CCDC171: variants seen among roughly 807,000 people sequenced by gnomAD.
CCDC171 encodes the protein coiled-coil domain containing 171.
In CCDC171, 177 loss-of-function variants were observed where a neutral mutation model predicts 168.2. The observed-to-expected ratio is 1.05, with a 90% CI of 0.93 to 1.19. The LOEUF (loss-of-function observed/expected upper bound fraction) is 1.19. Among genes scored for constraint, CCDC171 ranks in the 50% most tolerant of loss-of-function variants. The pLI, the probability that CCDC171 is intolerant of heterozygous loss-of-function variation, is 0.00. For missense variants in CCDC171, 1,991 were observed against 1,539.0 expected (o/e 1.29, Z -4.91); for synonymous variants, 687 against 540.8 (o/e 1.27, Z -3.75).
chr9:15,788,152 G>A (rs536501883), intron 21 of CCDC171, among the ~76,000 whole-genome samples: 2 of 152,230 alleles, frequency 1.3e-5, no homozygotes, highest in African/African-American at 2.4e-5. Flanking sequence ...TCTCTTGTGG[G>A]AGGCAACATG....
intron 24 of CCDC171, among the ~76,000 whole-genome samples, chr9:15,919,738 C>T (rs1305848631): frequency 2.0e-5 from 3 of 151,562 alleles, no homozygotes; most frequent in African/African-American, 7.2e-5. Context: ...AAGGGCATTT[C>T]TGTGTTACAT....
At chr9:15,732,196 C>T (rs954881072) in intron 16 of CCDC171, among the ~76,000 whole-genome samples, 3 of 151,896 alleles carry the variant, frequency 2.0e-5, no homozygotes, top group African/African-American at 7.3e-5. Flanking sequence ...TGATGAAGTC[C>T]AACTTACAAA....
chr9:15,725,126 A>G (rs2053716347), intron 14 of CCDC171, 150 bp downstream of exon 14: 2 of 626,372 alleles, frequency 3.2e-6, no homozygotes, highest in Non-Finnish European at 5.6e-6. Flanking sequence ...AAATCACTCC[A>G]TTACTCTTGT....
At chr9:15,802,736 A>G (rs2058887396) in intron 21 of CCDC171, among the ~76,000 whole-genome samples, 1 of 152,138 alleles carries the variant, frequency 6.6e-6, no homozygotes, top group African/African-American at 2.4e-5. Flanking sequence ...ATGTGCCTTT[A>G]TAATAGAACA....
chr9:15,701,947 T>C (rs2051783255), intron 11 of CCDC171, among the ~76,000 whole-genome samples: 1 of 152,218 alleles, frequency 6.6e-6, no homozygotes, highest in Non-Finnish European at 1.5e-5. Flanking sequence ...GGAATCACCA[T>C]CTATGGCAGC....
chr9:15,955,854 G>A (rs1829748702), intron 25 of CCDC171, among the ~76,000 whole-genome samples: 1 of 152,128 alleles, frequency 6.6e-6, no homozygotes, highest in Admixed American at 6.6e-5. Flanking sequence ...AGACGTGTGT[G>A]TATGTGTGTG....
At chr9:16,080,086 T>C in the CCDC171 span, among the ~76,000 whole-genome samples, 1 of 152,324 alleles carries the variant, frequency 6.6e-6, no homozygotes, top group African/African-American at 2.4e-5. Context: ...GGAGTGACTT[T>C]ATTTTCTGCT....
downstream of CCDC171, among the ~76,000 whole-genome samples, chr9:16,065,513 G>A (rs2133092029): frequency 6.6e-6 from 1 of 152,316 alleles, no homozygotes; most frequent in Middle Eastern, 3.4e-3. Context: ...GCAGTGAAGG[G>A]TGAGCTGAAG....
chr9:16,038,025 T>A (rs927677661), upstream of CCDC171, among the ~76,000 whole-genome samples: 4 of 152,150 alleles, frequency 2.6e-5, no homozygotes, highest in African/African-American at 9.6e-5. Flanking sequence ...TGCAAAATAC[T>A]GATGCCAAAA....
chr9:16,078,322 G>C, the CCDC171 span, among the ~76,000 whole-genome samples: 1 of 152,182 alleles, frequency 6.6e-6, no homozygotes, highest in Non-Finnish European at 1.5e-5. Flanking sequence ...GCTGAGGCAC[G>C]GCAGGGAGAA....
At chr9:16,044,800 G>A (rs975991434) in intron 1 of CCDC171, among the ~76,000 whole-genome samples, 3 of 152,184 alleles carry the variant, frequency 2.0e-5, no homozygotes, top group Admixed American at 6.5e-5. Flanking sequence ...GCCTTGGAAG[G>A]GAAAGAAGCC....
At chr9:15,666,087 C>G (rs1224802981) in intron 8 of CCDC171, 76 bp from the exon 9 acceptor site, 4 of 1,302,418 alleles carry the variant, frequency 3.1e-6, no homozygotes, top group Non-Finnish European at 4.3e-6. Flanking sequence ...CTGTTACTGA[C>G]AAAGTATTCT....
At chr9:15,561,717 G>T (rs572634128) in intron 1 of CCDC171, among the ~76,000 whole-genome samples, 1 of 151,980 alleles carries the variant, frequency 6.6e-6, no homozygotes, top group African/African-American at 2.4e-5. Flanking sequence ...GCCACTGACC[G>T]TATCAACTTT....
chr9:16,043,121 C>A (rs986863974), intron 1 of CCDC171, among the ~76,000 whole-genome samples: 1 of 152,118 alleles, frequency 6.6e-6, no homozygotes, highest in Non-Finnish European at 1.5e-5. Context: ...TCCAAGGATG[C>A]TGAAGCCAGA....
At chr9:15,732,987 C>CT in intron 16 of CCDC171, among the ~76,000 whole-genome samples, 1 of 151,936 alleles carries the variant, frequency 6.6e-6, no homozygotes, top group Non-Finnish European at 1.5e-5. Context: ...TCATTTTTTT[C>CT]TTTTGAATTT....
chr9:15,834,657 A>G (rs2060365727), intron 21 of CCDC171, among the ~76,000 whole-genome samples: 1 of 152,220 alleles, frequency 6.6e-6, no homozygotes, highest in African/African-American at 2.4e-5. Context: ...GAAAATGTAT[A>G]AAGTAGTATT....
intron 21 of CCDC171, among the ~76,000 whole-genome samples, chr9:15,807,792 AG>A (rs1342668493): frequency 1.3e-5 from 2 of 151,304 alleles, no homozygotes; most frequent in Non-Finnish European, 2.9e-5. Context: ...TAGCTATCTC[AG>A]GCACCTAGGT....
At chr9:15,842,869 G>GC (rs1211249934) in intron 21 of CCDC171, among the ~76,000 whole-genome samples, 1 of 151,704 alleles carries the variant, frequency 6.6e-6, no homozygotes, top group East Asian at 1.9e-4. Context: ...AATAATTTTT[G>GC]CTGTTATTCA....
chr9:15,628,967 G>T (rs1379715178), intron 7 of CCDC171, among the ~76,000 whole-genome samples: 1 of 152,112 alleles, frequency 6.6e-6, no homozygotes, highest in African/African-American at 2.4e-5. Flanking sequence ...TGCAGCTGAG[G>T]GTCCTGTCTG....
Sources: gnomAD v4.1 joint callset for allele counts (sites outside exome capture counted in the v4.1 genomes callset) on GRCh38, gnomAD v4.1.1 for gene constraint, MANE v1.5 for transcripts, NCBI Gene and HGNC (gene_info 2026-07-23, HGNC 2026-07-21) for gene names.